The following MEGF6 variants were observed in gnomAD, a reference collection of about 807,000 sequenced individuals.
MEGF6 encodes the protein multiple epidermal growth factor-like domains protein 6.
In MEGF6, 184 loss-of-function variants were observed where a neutral mutation model predicts 207.1. The observed-to-expected ratio is 0.89, with a 90% CI of 0.79 to 1.00. The LOEUF (loss-of-function observed/expected upper bound fraction) is 1.00, where lower values mean the gene tolerates loss of function less well. Among genes scored for constraint, MEGF6 ranks in the 50% least tolerant of loss-of-function variants. The probability of loss-of-function intolerance (pLI) is 0.00; values close to 1 mark genes in which losing one functional copy is unlikely to be tolerated. For synonymous variants in MEGF6, 1,038 were observed against 910.0 expected (o/e 1.14, Z -2.53); for missense variants, 2,282 against 2,202.9 (o/e 1.04, Z -0.72).
At chr1:3,530,937 C>A (rs1028536302) in intron 4 of MEGF6, 2 of 1,168,616 alleles carry the variant, frequency 1.7e-6, no homozygotes, top group Non-Finnish European at 2.2e-6. Flanking sequence ...GAAGCAGGCG[C>A]GCCTGCCGGG....
At chr1:3,548,465 G>T (rs1022314277) in intron 4 of MEGF6, among the ~76,000 whole-genome samples, 2 of 152,232 alleles carry the variant, frequency 1.3e-5, no homozygotes, top group Non-Finnish European at 2.9e-5. Flanking sequence ...GAATTTTTTG[G>T]GAATTCCTAG....
intron 2 of MEGF6, among the ~76,000 whole-genome samples, chr1:3,598,329 G>A (rs879502825): frequency 5.9e-5 from 9 of 152,310 alleles, no homozygotes; most frequent in East Asian, 1.9e-4. Context: ...CGGGCGGGCC[G>A]CTTCCCGGAA....
intron 3 of MEGF6, among the ~76,000 whole-genome samples, chr1:3,582,121 C>A (rs1643811801): frequency 6.6e-6 from 1 of 152,214 alleles, no homozygotes; most frequent in African/African-American, 2.4e-5. Context: ...CCCAGCAGGA[C>A]ACCAGGCCCG....
At chr1:3,521,447 C>G (rs1282857473) in intron 5 of MEGF6, among the ~76,000 whole-genome samples, 1 of 152,194 alleles carries the variant, frequency 6.6e-6, no homozygotes, top group Non-Finnish European at 1.5e-5. Flanking sequence ...CGCAGGAGAC[C>G]CCCCACAGGG....
intron 3 of MEGF6, among the ~76,000 whole-genome samples, chr1:3,580,505 G>T (rs545263968): frequency 6.6e-6 from 1 of 152,300 alleles, no homozygotes; most frequent in African/African-American, 2.4e-5. Context: ...GCGAGGCCAG[G>T]GTGTGAGGGT....
chr1:3,505,986 G>A, intron 15 of MEGF6, 122 bp downstream of exon 15: 1 of 1,338,422 alleles, frequency 7.5e-7, no homozygotes, highest in Non-Finnish European at 1.0e-6. Flanking sequence ...CTACATCCCA[G>A]TGGGTGACCT....
intron 5 of MEGF6, among the ~76,000 whole-genome samples, chr1:3,522,054 A>G (rs1268713916): frequency 6.6e-6 from 1 of 152,230 alleles, no homozygotes; most frequent in Non-Finnish European, 1.5e-5. Flanking sequence ...ACCTGTTCCC[A>G]GGGGGTGAAA....
chr1:3,611,102 A>G, intron 1 of MEGF6, 36 bp downstream of exon 1: 4 of 1,450,984 alleles, frequency 2.8e-6, no homozygotes, highest in African/African-American at 1.5e-5. Context: ...GGGTCCCTGG[A>G]CGACCGGCCG....
At chr1:3,609,551 C>A (rs1570257113) in intron 1 of MEGF6, among the ~76,000 whole-genome samples, 1 of 152,262 alleles carries the variant, frequency 6.6e-6, no homozygotes, top group Non-Finnish European at 1.5e-5. Flanking sequence ...GCCACCGCCA[C>A]TTACTGCAGC....
chr1:3,555,731 C>T (rs913541020), intron 4 of MEGF6, among the ~76,000 whole-genome samples: 2 of 152,168 alleles, frequency 1.3e-5, no homozygotes, highest in South Asian at 2.1e-4. Flanking sequence ...TGCCTGCTGC[C>T]GCTCATGCCA....
chr1:3,543,413 A>ACTCG (rs1271640495), intron 4 of MEGF6, among the ~76,000 whole-genome samples: 60 of 151,964 alleles, frequency 3.9e-4, no homozygotes, highest in Non-Finnish European at 4.1e-4. Context: ...GCGCTCACTC[A>ACTCG]CTCGCTCGGC....
intron 1 of MEGF6, among the ~76,000 whole-genome samples, chr1:3,607,119 C>T (rs894824349): frequency 2.6e-5 from 4 of 152,006 alleles, no homozygotes; most frequent in Admixed American, 1.3e-4. Context: ...GGGTGCTCCC[C>T]TCAGAAGGGC....
At chr1:3,497,709 G>C in intron 26 of MEGF6, 2 of 457,436 alleles carry the variant, frequency 4.4e-6, no homozygotes, top group Non-Finnish European at 8.2e-6. Context: ...ACAGCAGCCG[G>C]GGCTCAGCAC....
intron 8 of MEGF6, 31 bp from the exon 9 acceptor site, chr1:3,511,718 G>C (rs1220473441): frequency 6.3e-7 from 1 of 1,588,690 alleles, no homozygotes. Flanking sequence ...CAGGGTATGG[G>C]ATGGCGGCTA....
At chr1:3,600,302 G>C (rs1644137620) in intron 2 of MEGF6, among the ~76,000 whole-genome samples, 1 of 151,682 alleles carries the variant, frequency 6.6e-6, no homozygotes, top group Non-Finnish European at 1.5e-5. Flanking sequence ...GGCACAGGAG[G>C]AGTGGCCTGT....
chr1:3,548,312 G>T (rs925461123), intron 4 of MEGF6, among the ~76,000 whole-genome samples: 1 of 152,216 alleles, frequency 6.6e-6, no homozygotes, highest in Non-Finnish European at 1.5e-5. Flanking sequence ...TCCTCAGGAC[G>T]GGCCCTGGAA....
In MEGF6 at chr1:3,509,867, C is replaced by T. The variant is rs2101034651; in HGVS notation, c.1357+3G>A. 3.2e-6 allele frequency: 5 copies of T among 1,550,894 alleles called. No homozygotes were observed. The highest frequency in any genetic ancestry group is 4.4e-6 in the Non-Finnish European group (5 of 1,148,866). ...GGTGCTCCGCGGAGGGCGGGAGACT[C>T]ACGGCTGCAGCCCCTACGGTCCTCG... On this transcript the variant is annotated splice_donor_region_variant and intron_variant, in intron 11 of 36. Coordinates refer to ENST00000356575, the MANE Select transcript of MEGF6 (RefSeq NM_001409.4).
upstream of MEGF6, among the ~76,000 whole-genome samples, chr1:3,611,830 A>G (rs895318732): frequency 1.3e-5 from 2 of 148,974 alleles, no homozygotes; most frequent in Non-Finnish European, 3.0e-5. Flanking sequence ...TGCTCGTCTC[A>G]TGCGGAAAGT....
At chr1:3,491,128 T>TGG (rs34728586) in intron 35 of MEGF6, among the ~76,000 whole-genome samples, 169 bp from the exon 36 acceptor site, 13 of 130,382 alleles carry the variant, frequency 1.0e-4, no homozygotes, top group Non-Finnish European at 2.1e-4. Context: ...GGGCGGGAGC[T>TGG]GGGGGGGGGG....
Sources: allele counts gnomAD v4.1 joint callset (sites outside exome capture counted in the v4.1 genomes callset), GRCh38; gene constraint gnomAD v4.1.1; transcripts MANE v1.5; gene names NCBI Gene and HGNC (gene_info 2026-07-23, HGNC 2026-07-21).